APBB1IP: variants seen among roughly 807,000 people sequenced by gnomAD.
The protein encoded by APBB1IP is amyloid beta A4 precursor protein-binding family B member 1-interacting protein.
Under a neutral mutation model 64.9 loss-of-function variants are expected in APBB1IP, and 27 were observed. The ratio of observed to expected loss-of-function variants is 0.42; its 90% confidence interval spans 0.31 to 0.57. APBB1IP has a LOEUF of 0.57. APBB1IP is among the 20% of genes least tolerant of loss of function. APBB1IP has a pLI of 0.20. For missense variants in APBB1IP, 812 were observed against 845.5 expected, an observed-to-expected ratio of 0.96 and a Z score of 0.49; for synonymous variants, 392 against 331.0, an observed-to-expected ratio of 1.18 and a Z score of -2.00.
chr10:26,544,072 C>T (rs1220869038), intron 11 of APBB1IP, among the ~76,000 whole-genome samples: 1 of 152,210 alleles, frequency 6.6e-6, no homozygotes, highest in Admixed American at 6.5e-5. Context: ...AGAATGAGAA[C>T]TCAGGCAGTG....
chr10:26,473,377 A>G lies in APBB1IP; in HGVS notation c.1-18950A>G, dbSNP rs1282574424. On this transcript the variant is annotated intron_variant, in intron 2 of 14. Coordinates refer to ENST00000376236, the MANE Select transcript of APBB1IP (RefSeq NM_019043.4). Reference sequence around the variant, plus strand: ...AAAATTAAAATCTGGGCACTTTGGGAATTTCTGCTGTCTTAATTGGCTGGC... The same window carrying G: ...AAAATTAAAATCTGGGCACTTTGGGGATTTCTGCTGTCTTAATTGGCTGGC... Among the ~76,000 whole-genome samples, 6 of 152,296 alleles carry G rather than the reference A, an allele frequency of 3.9e-5. No homozygotes were observed. The South Asian group carries it at 6.2e-4, about 16-fold the overall frequency.
chr10:26,567,220 C>A lies in APBB1IP; in HGVS notation c.1733C>A (p.Pro578Gln). The A allele has an allele frequency of 7.3e-7, 1 of 1,369,256 alleles. No homozygotes were observed. Among genetic ancestry groups the A allele is most frequent in the Non-Finnish European group, 9.4e-7 (1 of 1,062,680 alleles). 84.8% of individuals were successfully genotyped at this position (1,369,256 alleles called of 1,614,324 possible). A position where few individuals can be genotyped will look rare whatever the true frequency, so the allele number is the denominator to read the frequency against. ...CCGCCGCCCCCGGACTTCATGGAGC[C>A]GCCCCCAGACTTCGTGCCCCCGCCC... The part of the protein sequence containing the change: ...LPPPPPDFME[P>Q]PPDFVPPPPP... Residue 578 changes from proline to glutamine, a missense_variant, in exon 15 of 15, where the codon CCG becomes CAG. By Grantham distance (76) the Pro-to-Gln change is moderately conservative. Around this residue, in one of 3 missense-constraint regions of APBB1IP, gnomAD observed 381 missense variants for 352.1 expected, o/e 1.08. Transcript: ENST00000376236.
intron 3 of APBB1IP, among the ~76,000 whole-genome samples, chr10:26,494,884 T>C (rs1230105311): frequency 1.3e-5 from 2 of 151,984 alleles, no homozygotes; most frequent in African/African-American, 4.8e-5. Context: ...ATATTCCCAA[T>C]AAGAGTCAGA....
intron 12 of APBB1IP, 111 bp downstream of exon 12, chr10:26,560,314 A>T (rs940613226): frequency 1.0e-6 from 1 of 997,044 alleles, no homozygotes; most frequent in African/African-American, 1.6e-5. Context: ...GGGTTCAGCC[A>T]CAGACATTAT....
intron 2 of APBB1IP, among the ~76,000 whole-genome samples, chr10:26,459,859 T>C (rs1334364709): frequency 6.6e-6 from 1 of 152,202 alleles, no homozygotes; most frequent in Non-Finnish European, 1.5e-5. Context: ...GCCTAATTTT[T>C]ACTCAAATCC....
chr10:26,514,676 TAA>T (rs33916010), intron 8 of APBB1IP, among the ~76,000 whole-genome samples: 3 of 147,266 alleles, frequency 2.0e-5, no homozygotes, highest in South Asian at 2.1e-4. Flanking sequence ...TTTTACAGGT[TAA>T]AAAAAAAAAA....
chr10:26,566,415 A>G (rs1837044701), intron 14 of APBB1IP, among the ~76,000 whole-genome samples: 1 of 152,094 alleles, frequency 6.6e-6, no homozygotes, highest in Non-Finnish European at 1.5e-5. Context: ...CCACCATACC[A>G]GGCTAATTTT....
chr10:26,548,559 T>C (rs376927211), intron 11 of APBB1IP, among the ~76,000 whole-genome samples: 6 of 152,200 alleles, frequency 3.9e-5, no homozygotes, highest in African/African-American at 1.4e-4. Flanking sequence ...TAGAGCTCTT[T>C]CTCCTCCTTG....
chr10:26,551,418 G>A (rs373740811), intron 11 of APBB1IP, among the ~76,000 whole-genome samples: 2 of 152,156 alleles, frequency 1.3e-5, no homozygotes, highest in East Asian at 1.9e-4. Context: ...GTCCAACTGC[G>A]GTTTCACTCA....
At chr10:26,566,461 T>C (rs940446699) in intron 14 of APBB1IP, among the ~76,000 whole-genome samples, 2 of 152,166 alleles carry the variant, frequency 1.3e-5, no homozygotes, top group South Asian at 2.1e-4. Context: ...CACCATATTG[T>C]TCAGGTTGGT....
rs74738866 is a variant in APBB1IP, at chr10:26,566,360, T to C, written c.1474-601T>C. Among the ~76,000 whole-genome samples the C allele has an allele frequency of 8.7e-4, 132 of 152,304 alleles. 1 individual carries two copies. In the East Asian group the frequency reaches 0.021, roughly 24 times the overall value. On this transcript the variant is annotated intron_variant, in intron 14 of 14. Transcript: ENST00000376236. The stretch of plus-strand genomic sequence containing the variant: ...TCCTCCACCTTCCAAGTTAAAACAA[T>C]TCTTATGCCTTAGCCACCCCAGTAG...
chr10:26,551,618 G>A (rs751376972), intron 11 of APBB1IP, among the ~76,000 whole-genome samples: 3 of 152,200 alleles, frequency 2.0e-5, no homozygotes, highest in Non-Finnish European at 4.4e-5. Context: ...AGGCCCGTTA[G>A]GAAGTAGTGG....
At chr10:26,518,103 CA>C (rs1444733202) in intron 8 of APBB1IP, among the ~76,000 whole-genome samples, 5 of 152,102 alleles carry the variant, frequency 3.3e-5, no homozygotes, top group Admixed American at 1.3e-4. Flanking sequence ...CACAGGCAAC[CA>C]CCACCATGCC....
chr10:26,454,555 G>C (rs943960227), intron 2 of APBB1IP, among the ~76,000 whole-genome samples: 1 of 125,860 alleles, frequency 7.9e-6, no homozygotes, highest in Non-Finnish European at 1.7e-5. Flanking sequence ...GTAGAAGGAT[G>C]GTTACCGAGG....
intron 11 of APBB1IP, among the ~76,000 whole-genome samples, chr10:26,558,176 G>C (rs1451575994): frequency 1.4e-5 from 2 of 140,984 alleles, no homozygotes; most frequent in Non-Finnish European, 3.0e-5. Flanking sequence ...CACGATGCTT[G>C]TGGTTAATTA....
intron 11 of APBB1IP, among the ~76,000 whole-genome samples, chr10:26,557,759 TCC>T (rs1468241023): frequency 6.6e-6 from 1 of 152,200 alleles, no homozygotes; most frequent in African/African-American, 2.4e-5. Flanking sequence ...AAGATTACAA[TCC>T]CACACGCTCT....
chr10:26,463,299 G>A (rs1835614200), intron 2 of APBB1IP, among the ~76,000 whole-genome samples: 1 of 152,030 alleles, frequency 6.6e-6, no homozygotes, highest in Non-Finnish European at 1.5e-5. Context: ...AATTAGCTGG[G>A]GATAGTGTCA....
intron 2 of APBB1IP, among the ~76,000 whole-genome samples, chr10:26,471,770 C>T (rs559162695): frequency 4.6e-5 from 7 of 152,162 alleles, no homozygotes; most frequent in South Asian, 2.1e-4. Context: ...CTGCAACCTC[C>T]GCCTCCTGGG....
rs757828268 is a variant in APBB1IP, at chr10:26,502,367, C to A, written c.454-830C>A. Among the ~76,000 whole-genome samples, 4 of 152,148 alleles carry A rather than the reference C, an allele frequency of 2.6e-5. No homozygotes were observed. The East Asian group carries it at 7.7e-4, about 29-fold the overall frequency. On this transcript the variant is annotated intron_variant, in intron 5 of 14. Coordinates refer to ENST00000376236, the MANE Select transcript of APBB1IP (RefSeq NM_019043.4). ...TTAAATTTCAGTCTCTTGGGCCAGG[C>A]GTGGTGGCTCACGCCTGTAATCCCA...
Sources: allele counts gnomAD v4.1 joint callset (sites outside exome capture counted in the v4.1 genomes callset), GRCh38; gene constraint gnomAD v4.1.1; regional missense constraint gnomAD v4.1.1; transcripts MANE v1.5; gene names NCBI Gene and HGNC (gene_info 2026-07-23, HGNC 2026-07-21).